RCL1: variants seen among roughly 807,000 people sequenced by gnomAD.
RCL1 encodes RNA 3'-terminal phosphate cyclase-like protein.
Under a neutral mutation model 42.4 loss-of-function variants are expected in RCL1, and 24 were observed. The ratio of observed to expected loss-of-function variants is 0.57; its 90% confidence interval spans 0.41 to 0.80. The LOEUF is 0.80. Ranked by LOEUF, RCL1 falls within the 30% of genes least tolerant of loss-of-function variation. RCL1 has a pLI of 0.00. For missense variants in RCL1, 578 were observed against 467.9 expected (o/e 1.24, Z -2.17); for synonymous variants, 228 against 177.3 (o/e 1.29, Z -2.27).
chr9:4,844,443 T>G, intron 6 of RCL1, 82 bp from the exon 7 acceptor site: 1 of 1,078,636 alleles, frequency 9.3e-7, no homozygotes, highest in Non-Finnish European at 1.3e-6. Context: ...AAAAAAAATG[T>G]TTGTCTTCTC....
intron 1 of RCL1, among the ~76,000 whole-genome samples, chr9:4,817,911 GATTTT>G (rs1563836734): frequency 1.4e-5 from 1 of 72,020 alleles, no homozygotes; most frequent in Non-Finnish European, 2.7e-5. Context: ...ACTTTTCTAA[GATTTT>G]TTTTTTTTTT....
chr9:4,849,426 A>T (rs779125948), intron 7 of RCL1, 21 bp from the exon 8 acceptor site: 1 of 1,589,780 alleles, frequency 6.3e-7, no homozygotes, highest in Non-Finnish European at 8.6e-7. Context: ...GGTTTGTACA[A>T]TTATTAATTT....
chr9:4,844,575 TCC>T lies in RCL1; in HGVS notation c.762_763del (p.Leu255GlnfsTer3). ...GTTGCTGAGACCACCAGTGGCACCTTCCTCAGTGCTGAACTGGCCTCCAACCC... is the reference window on the plus strand; with the variant it reads ...GTTGCTGAGACCACCAGTGGCACCTTTCAGTGCTGAACTGGCCTCCAACCC... On this transcript the variant is annotated frameshift_variant, in exon 7 of 9. Coordinates refer to ENST00000381750, the MANE Select transcript of RCL1 (RefSeq NM_005772.5). LOFTEE classifies it high-confidence loss of function. 1 of 1,613,840 alleles carries T rather than the reference TCC, an allele frequency of 6.2e-7. No homozygotes were observed. The highest frequency in any genetic ancestry group is 1.3e-5 in the African/African-American group (1 of 75,034).
chr9:4,800,775 C>T (rs548214627), intron 1 of RCL1, among the ~76,000 whole-genome samples: 2 of 151,654 alleles, frequency 1.3e-5, no homozygotes, highest in Admixed American at 6.6e-5. Flanking sequence ...GCCTCAGCCT[C>T]CAGAGCAGCT....
chr9:4,836,505 A>G (rs1587720639), intron 5 of RCL1, among the ~76,000 whole-genome samples: 1 of 152,222 alleles, frequency 6.6e-6, no homozygotes, highest in East Asian at 1.9e-4. Context: ...GATTTCAGAT[A>G]TTAAAAGTGG....
rs367798221 is a variant in RCL1 at position 4,860,265 on chromosome 9, C to A, written c.1112C>A (p.Thr371Asn). The change falls in exon 9 of 9, where the codon ACC becomes AAC. Residue 371 changes from threonine to asparagine, a missense_variant. Physicochemically the swap from Thr to Asn is moderately conservative, Grantham distance 65. Transcript: ENST00000381750. ...ATTGGTTTCTCCAACCTTAGCAAGA[C>A]CCTCAAGTGATAACCATCACAAGAT... The part of the protein sequence containing the change: ...VGIGFSNLSK[T>N]LK 14 of 1,612,862 alleles carry A rather than the reference C, an allele frequency of 8.7e-6. No homozygotes were observed. The highest frequency in any genetic ancestry group is 1.2e-5 in the Non-Finnish European group (14 of 1,179,618).
chr9:4,850,162 C>T (rs573595413), intron 8 of RCL1: 8 of 381,906 alleles, frequency 2.1e-5, no homozygotes, highest in Middle Eastern at 9.3e-4. Flanking sequence ...AATGAGGTTG[C>T]GGAAAACAGC....
At position 4,853,830 on chromosome 9, in the gene RCL1, A is replaced by G. The variant is rs78822256; in HGVS notation, c.971+4280A>G. On this transcript the variant is annotated intron_variant, in intron 8 of 8. Transcript: ENST00000381750. ...TAACTTTAGTTAATGACCTTTTTCC[A>G]TGACTGTGGAAGTGCTGAGGAGCTA... Among the ~76,000 whole-genome samples, 375 of 151,904 alleles carry G rather than the reference A, an allele frequency of 2.5e-3. 14 individuals are homozygous for G. The East Asian group carries it at 0.066, about 27-fold the overall frequency.
chr9:4,801,967 G>T (rs1156488798), intron 1 of RCL1, among the ~76,000 whole-genome samples: 2 of 151,546 alleles, frequency 1.3e-5, no homozygotes, highest in East Asian at 1.9e-4. Context: ...GGAGTGCGGT[G>T]GTGCAATCTT....
At chr9:4,835,574 G>C (rs3780359) in intron 5 of RCL1, among the ~76,000 whole-genome samples, 1 of 152,148 alleles carries the variant, frequency 6.6e-6, no homozygotes, top group South Asian at 2.1e-4. Flanking sequence ...TTGATGAAGC[G>C]AGAGTCAGGG....
chr9:4,799,854 C>T (rs776394272), intron 1 of RCL1, among the ~76,000 whole-genome samples: 16 of 152,176 alleles, frequency 1.1e-4, no homozygotes, highest in African/African-American at 3.9e-4. Flanking sequence ...GACTCTGACT[C>T]TGGAATCAAA....
chr9:4,809,062 A>G (rs1816076915), intron 1 of RCL1, among the ~76,000 whole-genome samples: 1 of 152,038 alleles, frequency 6.6e-6, no homozygotes, highest in Non-Finnish European at 1.5e-5. Flanking sequence ...TTAAAGCACA[A>G]GAATATTATC....
intron 1 of RCL1, among the ~76,000 whole-genome samples, chr9:4,818,911 T>C (rs1185975896): frequency 6.6e-6 from 1 of 151,716 alleles, no homozygotes; most frequent in African/African-American, 2.4e-5. Flanking sequence ...GAAATCACAT[T>C]ATATATATAA....
At chr9:4,803,446 T>G (rs1180785681) in intron 1 of RCL1, among the ~76,000 whole-genome samples, 1 of 152,174 alleles carries the variant, frequency 6.6e-6, no homozygotes, top group Non-Finnish European at 1.5e-5. Context: ...GAATTCTAGT[T>G]TTCCCTCCCC....
chr9:4,857,428 G>GT (rs1316412783), intron 8 of RCL1, among the ~76,000 whole-genome samples: 54 of 150,554 alleles, frequency 3.6e-4, no homozygotes, highest in African/African-American at 1.2e-3. Context: ...GATGTAGCAC[G>GT]TATCAGTGCT....
At chr9:4,833,278 C>A (rs746355697) in intron 4 of RCL1, 50 bp downstream of exon 4, 2 of 1,366,156 alleles carry the variant, frequency 1.5e-6, no homozygotes, top group South Asian at 2.3e-5. Context: ...AAACATTTTC[C>A]CACTGACTCA....
At chr9:4,853,727 C>T (rs768687206) in intron 8 of RCL1, among the ~76,000 whole-genome samples, 7 of 152,144 alleles carry the variant, frequency 4.6e-5, no homozygotes, top group Admixed American at 4.6e-4. Flanking sequence ...GCAAAGTCCT[C>T]GTTTCAAATT....
intron 4 of RCL1, 25 bp downstream of exon 4, chr9:4,833,253 A>G: frequency 1.9e-6 from 3 of 1,555,884 alleles, no homozygotes; most frequent in African/African-American, 2.7e-5. Context: ...ACTGTTGACC[A>G]TATGTTCCTG....
Position 4,817,209 on chromosome 9 carries a change from C to T in RCL1, c.137-6339C>T, listed in dbSNP as rs895696336. Reference sequence around the variant, plus strand: ...TGTTTATTATTTGAAAAAAATTCTTCTTGTCTTCTTTTTAGGTCCTTTTGT... The same window carrying T: ...TGTTTATTATTTGAAAAAAATTCTTTTTGTCTTCTTTTTAGGTCCTTTTGT... On this transcript the variant is annotated intron_variant, in intron 1 of 8. Coordinates refer to ENST00000381750, the MANE Select transcript of RCL1 (RefSeq NM_005772.5). 2.4e-4 allele frequency among the ~76,000 whole-genome samples: 36 copies of T among 152,068 alleles called. 1 individual carries two copies. Among genetic ancestry groups the T allele is most frequent in the African/African-American group, 6.5e-4 (27 of 41,422 alleles).
Sources: allele counts gnomAD v4.1 joint callset (sites outside exome capture counted in the v4.1 genomes callset), GRCh38; gene constraint gnomAD v4.1.1; transcripts MANE v1.5; gene names NCBI Gene and HGNC (gene_info 2026-07-23, HGNC 2026-07-21).